The following HS2ST1 variants were observed in gnomAD, a reference collection of about 807,000 sequenced individuals.
The protein encoded by HS2ST1 is 2-O-sulfotransferase.
A neutral mutation model predicts 42.9 loss-of-function variants in HS2ST1; 18 were observed. The ratio of observed to expected loss-of-function variants is 0.42; its 90% confidence interval spans 0.29 to 0.62. The LOEUF is 0.62. Ranked by LOEUF, HS2ST1 falls within the 20% of genes least tolerant of loss-of-function variation. The pLI is 0.21. For missense variants in HS2ST1, 334 were observed against 433.8 expected (o/e 0.77, Z 2.04); for synonymous variants, 146 against 152.9 (o/e 0.95, Z 0.33).
intron 1 of HS2ST1, among the ~76,000 whole-genome samples, chr1:86,970,667 T>C (rs901234745): frequency 5.9e-5 from 9 of 152,202 alleles, no homozygotes; most frequent in African/African-American, 2.2e-4. Context: ...GTGCTGGGAT[T>C]GCAGGCATGA....
chr1:87,040,408 A>G (rs1248082769), intron 1 of HS2ST1, among the ~76,000 whole-genome samples: 1 of 152,040 alleles, frequency 6.6e-6, no homozygotes, highest in African/African-American at 2.4e-5. Context: ...TCCTTCTAAT[A>G]TGCCCATTCT....
intron 1 of HS2ST1, among the ~76,000 whole-genome samples, chr1:86,952,865 T>G (rs755263936): frequency 6.6e-5 from 10 of 152,206 alleles, no homozygotes; most frequent in Non-Finnish European, 1.5e-4. Flanking sequence ...TTTCATATGG[T>G]AAATGAGCAT....
intron 1 of HS2ST1, among the ~76,000 whole-genome samples, chr1:87,024,311 A>G (rs890143719): frequency 8.6e-5 from 13 of 151,980 alleles, no homozygotes; most frequent in African/African-American, 3.1e-4. Flanking sequence ...GACCAGCCTG[A>G]TAAATATGGT....
chr1:86,928,022 CTT>C (rs1660455778), intron 1 of HS2ST1, among the ~76,000 whole-genome samples: 1 of 152,038 alleles, frequency 6.6e-6, no homozygotes, highest in South Asian at 2.1e-4. Context: ...TACAGTATGT[CTT>C]TGTTAATAGT....
At chr1:87,046,155 C>T (rs1328919925) in intron 1 of HS2ST1, 22 of 743,134 alleles carry the variant, frequency 3.0e-5, no homozygotes, top group South Asian at 1.2e-4. Context: ...TGCCCAAAAC[C>T]GTGTTAATAG....
intron 1 of HS2ST1, among the ~76,000 whole-genome samples, chr1:86,997,788 G>T (rs1380629012): frequency 6.6e-6 from 1 of 152,194 alleles, no homozygotes; most frequent in East Asian, 1.9e-4. Context: ...CAGCATGAAT[G>T]CACTGGCAAA....
At chr1:87,030,142 A>G (rs1262230306) in intron 1 of HS2ST1, among the ~76,000 whole-genome samples, 1 of 152,204 alleles carries the variant, frequency 6.6e-6, no homozygotes, top group Non-Finnish European at 1.5e-5. Context: ...CATTCTTGTT[A>G]CTGACCAGGA....
intron 1 of HS2ST1, among the ~76,000 whole-genome samples, chr1:86,946,700 C>A (rs1320583118): frequency 6.6e-6 from 1 of 152,158 alleles, no homozygotes; most frequent in East Asian, 1.9e-4. Context: ...GCAAAATATT[C>A]TTGTGCTTTG....
chr1:86,939,914 G>GAAATAAT (rs1388891021), intron 1 of HS2ST1, among the ~76,000 whole-genome samples: 1 of 151,496 alleles, frequency 6.6e-6, no homozygotes, highest in Non-Finnish European at 1.5e-5. Flanking sequence ...TAACAAAGCA[G>GAAATAAT]GTAGAGAAAT....
chr1:86,953,795 A>G (rs1174359263), intron 1 of HS2ST1, among the ~76,000 whole-genome samples: 1 of 151,822 alleles, frequency 6.6e-6, no homozygotes, highest in African/African-American at 2.4e-5. Context: ...AGTGAATGAC[A>G]TGGGACTCTT....
intron 1 of HS2ST1, among the ~76,000 whole-genome samples, chr1:86,966,793 A>G (rs1274418824): frequency 4.6e-5 from 7 of 152,154 alleles, no homozygotes; most frequent in Admixed American, 4.6e-4. Context: ...TTTTGTTAAG[A>G]ATACTGTTGC....
intron 1 of HS2ST1, among the ~76,000 whole-genome samples, chr1:87,026,321 A>G (rs1415544001): frequency 2.6e-5 from 4 of 152,208 alleles, no homozygotes; most frequent in Non-Finnish European, 4.4e-5. Flanking sequence ...TGGTAAAAAT[A>G]TGGTAGGATC....
intron 1 of HS2ST1, among the ~76,000 whole-genome samples, chr1:87,037,829 G>T (rs560326093): frequency 6.6e-6 from 1 of 151,964 alleles, no homozygotes; most frequent in East Asian, 1.9e-4. Context: ...GATACTTCCA[G>T]ACGTAGTTCA....
chr1:86,917,245 A>T (rs1383727254), intron 1 of HS2ST1, among the ~76,000 whole-genome samples: 1 of 152,094 alleles, frequency 6.6e-6, no homozygotes, highest in Non-Finnish European at 1.5e-5. Context: ...TTGACCAGAC[A>T]CGGTGGCTCA....
At chr1:87,031,813 A>G (rs1298995247) in intron 1 of HS2ST1, among the ~76,000 whole-genome samples, 1 of 152,220 alleles carries the variant, frequency 6.6e-6, no homozygotes, top group Non-Finnish European at 1.5e-5. Flanking sequence ...TGTTATTTAG[A>G]TAATGGAAAT....
chr1:86,943,729 G>A (rs9433115), intron 1 of HS2ST1, among the ~76,000 whole-genome samples: 14,437 of 146,834 alleles, frequency 0.098, 937 homozygotes, highest in African/African-American at 0.19. Context: ...AAAAAAAAAA[G>A]AAAAAAAAAA....
At chr1:87,101,149 G>GTGTGTTTTTTT (rs1557546421) in intron 5 of HS2ST1, among the ~76,000 whole-genome samples, 2 of 59,540 alleles carry the variant, frequency 3.4e-5, no homozygotes, top group African/African-American at 1.3e-4. Flanking sequence ...GTGTGTGTGT[G>GTGTGTTTTTTT]TTTTTTGTTT....
intron 1 of HS2ST1, among the ~76,000 whole-genome samples, chr1:86,933,943 T>A (rs1314760080): frequency 6.6e-6 from 1 of 152,182 alleles, no homozygotes; most frequent in East Asian, 1.9e-4. Flanking sequence ...AGGCTTGTAG[T>A]TATTTAAGCT....
chr1:86,981,493 A>G (rs1457143839), intron 1 of HS2ST1, among the ~76,000 whole-genome samples: 1 of 152,220 alleles, frequency 6.6e-6, no homozygotes, highest in East Asian at 1.9e-4. Flanking sequence ...GTTATTTCCA[A>G]GATACAGTGG....
Sources: allele counts gnomAD v4.1 joint callset (sites outside exome capture counted in the v4.1 genomes callset), GRCh38; gene constraint gnomAD v4.1.1; transcripts MANE v1.5; gene names NCBI Gene and HGNC (gene_info 2026-07-23, HGNC 2026-07-21).